The following LPP variants were observed in gnomAD, a reference collection of about 807,000 sequenced individuals.
LPP encodes lipoma-preferred partner.
A neutral mutation model predicts 60.4 loss-of-function variants in LPP; 38 were observed. That is an observed-to-expected ratio of 0.63 (90% confidence interval 0.49 to 0.83). LPP has a LOEUF of 0.83. LPP is among the 40% of genes least tolerant of loss of function. The probability of loss-of-function intolerance (pLI) is 0.00; values close to 1 mark genes in which losing one functional copy is unlikely to be tolerated. For synonymous variants in LPP, 328 were observed against 290.8 expected (o/e 1.13, Z -1.30); for missense variants, 902 against 783.6 (o/e 1.15, Z -1.80).
chr3:188,584,021 A>G (rs1836856450), intron 6 of LPP, among the ~76,000 whole-genome samples: 1 of 152,156 alleles, frequency 6.6e-6, no homozygotes, highest in South Asian at 2.1e-4. Context: ...CCATAATCCT[A>G]CAAATGTACT....
chr3:188,520,241 G>A (rs1818496905), intron 5 of LPP, among the ~76,000 whole-genome samples: 1 of 152,168 alleles, frequency 6.6e-6, no homozygotes, highest in Non-Finnish European at 1.5e-5. Flanking sequence ...TGTGGTCCTT[G>A]GTAAAGGGAC....
intron 6 of LPP, among the ~76,000 whole-genome samples, chr3:188,528,403 C>T (rs758453556): frequency 6.6e-6 from 1 of 151,462 alleles, no homozygotes; most frequent in South Asian, 2.1e-4. Flanking sequence ...ATCCTTATAA[C>T]CTAATAGACA....
rs868525962 is a variant in LPP at position 188,760,409 on chromosome 3, G to T, written c.1410+127G>T. The T allele has an allele frequency of 1.3e-4, 81 of 602,806 alleles. No homozygotes were observed. The highest frequency in any genetic ancestry group is 1.0e-3 in the South Asian group (52 of 51,704). 37.3% of individuals were successfully genotyped at this position (602,806 alleles called of 1,614,324 possible). On this transcript the variant is annotated intron_variant, in intron 9 of 11. Transcript: ENST00000617246. ...CCTAGACTTCAAAATGTGTGTGTGG[G>T]GTGTGTGTGTGTGTGTGTGTGTGTG... is the stretch of plus-strand genomic sequence containing the variant.
chr3:188,597,608 T>C (rs993225582), intron 6 of LPP, among the ~76,000 whole-genome samples: 5 of 152,116 alleles, frequency 3.3e-5, no homozygotes, highest in Admixed American at 6.6e-5. Flanking sequence ...TCAGAACTTT[T>C]AAAATTAGAT....
rs1264471839 is a variant in LPP, at chr3:188,872,697, C to G, written c.1644C>G (p.Gly548=). The G allele has an allele frequency of 2.5e-6, 4 of 1,614,174 alleles. No homozygotes were observed. In the Admixed American group the frequency reaches 5.0e-5, roughly 20 times the overall value. Reference sequence around the variant, plus strand: ...AGGAGCCTATTATGCCAGCCCCGGGCCAGGAGGAGACTGTCCGTATTGTGG... The same window carrying G: ...AGGAGCCTATTATGCCAGCCCCGGGGCAGGAGGAGACTGTCCGTATTGTGG... The part of the protein sequence containing the change: ...VCKEPIMPAP[G]QEETVRIVAL... The change falls in exon 11 of 12, where the codon GGC becomes GGG. Residue 548 remains glycine, a synonymous_variant. Coordinates refer to ENST00000617246, the MANE Select transcript of LPP (RefSeq NM_001375462.1).
chr3:188,868,931 C>T (rs1029686684), intron 10 of LPP, among the ~76,000 whole-genome samples: 1 of 152,146 alleles, frequency 6.6e-6, no homozygotes, highest in Non-Finnish European at 1.5e-5. Context: ...AAGGAGCTTG[C>T]CAGGAGGAGG....
chr3:188,231,356 A>T (rs540697347), intron 2 of LPP, among the ~76,000 whole-genome samples: 7 of 152,210 alleles, frequency 4.6e-5, no homozygotes, highest in African/African-American at 1.7e-4. Context: ...AACCCAGCAC[A>T]CCTCTGTGGA....
intron 9 of LPP, among the ~76,000 whole-genome samples, chr3:188,846,968 C>T (rs1761597276): frequency 1.3e-5 from 2 of 152,196 alleles, no homozygotes; most frequent in Admixed American, 6.5e-5. Context: ...AGGCCACACA[C>T]ATCTGCCCTG....
chr3:188,582,154 CTTTT>C (rs10565240), intron 6 of LPP, among the ~76,000 whole-genome samples: 13,092 of 102,228 alleles, frequency 0.13, 1,245 homozygotes, highest in East Asian at 0.36. Flanking sequence ...TTTTCTTTTT[CTTTT>C]TTTTTTTTTT....
At chr3:188,528,908 T>A (rs1821403960) in intron 6 of LPP, among the ~76,000 whole-genome samples, 1 of 152,114 alleles carries the variant, frequency 6.6e-6, no homozygotes, top group Admixed American at 6.5e-5. Context: ...TGCTTTCCCA[T>A]AAAAAGAAAA....
chr3:188,825,834 C>T (rs1431675421), intron 9 of LPP, among the ~76,000 whole-genome samples: 1 of 152,128 alleles, frequency 6.6e-6, no homozygotes, highest in African/African-American at 2.4e-5. Context: ...GAAATCTCTT[C>T]TCCCATCTTG....
chr3:188,753,652 C>T (rs531827092), intron 8 of LPP, among the ~76,000 whole-genome samples: 1 of 150,170 alleles, frequency 6.7e-6, no homozygotes, highest in Non-Finnish European at 1.5e-5. Context: ...ACCTTAATTT[C>T]TCTTTTTGGA....
chr3:188,788,355 T>C (rs1360577520), intron 9 of LPP, among the ~76,000 whole-genome samples: 1 of 152,212 alleles, frequency 6.6e-6, no homozygotes, highest in East Asian at 1.9e-4. Context: ...ACACTTGTCC[T>C]TGATGGAATG....
At chr3:188,697,509 C>A (rs969268108) in intron 7 of LPP, among the ~76,000 whole-genome samples, 1 of 152,158 alleles carries the variant, frequency 6.6e-6, no homozygotes, top group Non-Finnish European at 1.5e-5. Context: ...TTATGCATAT[C>A]AGACTGAAAA....
intron 7 of LPP, among the ~76,000 whole-genome samples, chr3:188,690,030 C>T (rs560083492): frequency 6.6e-6 from 1 of 152,156 alleles, no homozygotes; most frequent in South Asian, 2.1e-4. Flanking sequence ...GACTTTATCA[C>T]AAGGTAACCC....
At chr3:188,714,738 A>T (rs1055074425) in intron 8 of LPP, among the ~76,000 whole-genome samples, 1 of 152,154 alleles carries the variant, frequency 6.6e-6, no homozygotes, top group Non-Finnish European at 1.5e-5. Flanking sequence ...GGATGAGTCT[A>T]TATCTCTAAA....
At chr3:188,716,156 G>C (rs1452518974) in intron 8 of LPP, among the ~76,000 whole-genome samples, 5 of 152,162 alleles carry the variant, frequency 3.3e-5, no homozygotes, top group Non-Finnish European at 1.5e-5. Flanking sequence ...AGGAGTTTTT[G>C]AGAATTTTTG....
chr3:188,818,718 A>G (rs1753140500), intron 9 of LPP, among the ~76,000 whole-genome samples: 1 of 152,148 alleles, frequency 6.6e-6, no homozygotes, highest in Non-Finnish European at 1.5e-5. Context: ...CCTTGGGCAA[A>G]TTGCTTAACC....
intron 4 of LPP, among the ~76,000 whole-genome samples, chr3:188,450,421 TTATC>T (rs1796309237): frequency 1.3e-5 from 2 of 152,128 alleles, no homozygotes. Context: ...TAATTCACAT[TTATC>T]TATATGATCA....
Sources: gnomAD v4.1 joint callset for allele counts (sites outside exome capture counted in the v4.1 genomes callset) on GRCh38, gnomAD v4.1.1 for gene constraint, MANE v1.5 for transcripts, NCBI Gene and HGNC (gene_info 2026-07-23, HGNC 2026-07-21) for gene names.